Variants in GATA3 observed in about 807,000 individuals in gnomAD.
The protein encoded by GATA3 is trans-acting T-cell-specific transcription factor GATA-3.
A neutral mutation model predicts 36.0 loss-of-function variants in GATA3; 6 were observed. The observed-to-expected ratio is 0.17, with a 90% CI of 0.09 to 0.33. The LOEUF (loss-of-function observed/expected upper bound fraction) is 0.33, where lower values mean the gene tolerates loss of function less well. Among genes scored for constraint, GATA3 ranks in the 10% least tolerant of loss-of-function variants. The pLI, the probability that GATA3 is intolerant of heterozygous loss-of-function variation, is 1.00. For synonymous variants in GATA3, 326 were observed against 273.0 expected, an observed-to-expected ratio of 1.19 and a Z score of -1.92; for missense variants, 514 against 610.1, an observed-to-expected ratio of 0.84 and a Z score of 1.66.
upstream of GATA3, chr10:8,051,221 G>A (rs1297169772): frequency 2.3e-6 from 1 of 428,654 alleles, no homozygotes; most frequent in Non-Finnish European, 4.9e-6. Context: ...CCCCTACCGA[G>A]TGGAGAAAGT....
Position 8,055,578 on chromosome 10 carries a change from G to T in GATA3, c.-78G>T, listed in dbSNP as rs1272034262. The T allele has an allele frequency of 3.4e-5, 51 of 1,493,662 alleles. No homozygotes were observed. Among genetic ancestry groups the T allele is most frequent in the Non-Finnish European group, 4.3e-5 (48 of 1,125,206 alleles). 92.5% of individuals were successfully genotyped at this position (1,493,662 alleles called of 1,614,324 possible). A position where few individuals can be genotyped will look rare whatever the true frequency, so the allele number is the denominator to read the frequency against. ...GACCCTCCGACGGCAGGAGCCCCCCGACCTCCCAGGCGGACCGCCCTCCCT... is the reference window on the plus strand; with the variant it reads ...GACCCTCCGACGGCAGGAGCCCCCCTACCTCCCAGGCGGACCGCCCTCCCT... On this transcript the variant is annotated 5_prime_UTR_variant, in exon 2 of 6. Coordinates refer to ENST00000379328, the MANE Select transcript of GATA3 (RefSeq NM_001002295.2). The surrounding 1 kb of genome is among the most constrained non-coding windows in gnomAD (Gnocchi z 5.4).
chr10:8,055,974 G>C lies in GATA3; in HGVS notation c.241+78G>C. On this transcript the variant is annotated intron_variant, in intron 2 of 5. Coordinates refer to ENST00000379328, the MANE Select transcript of GATA3 (RefSeq NM_001002295.2). The surrounding 1 kb of genome is among the most constrained non-coding windows in gnomAD (Gnocchi z 5.4). ...CTCGGGGAGGTCGGGAGGGACCTGA[G>C]GGCGGGGAGAGGTCAAGCGAAAGCC... The C allele has an allele frequency of 6.5e-7, 1 of 1,534,018 alleles. No individual in the cohort carries two copies. The highest frequency in any genetic ancestry group is 8.8e-7 in the Non-Finnish European group (1 of 1,133,396).
chr10:8,065,971 A>C (rs1340511886), intron 4 of GATA3, among the ~76,000 whole-genome samples: 1 of 149,550 alleles, frequency 6.7e-6, no homozygotes, highest in Admixed American at 6.6e-5. Context: ...GTAAAAAAAA[A>C]AAAAAAAAAA....
chr10:8,060,709 T>A (rs1832733317), intron 3 of GATA3, among the ~76,000 whole-genome samples: 2 of 152,132 alleles, frequency 1.3e-5, no homozygotes, highest in African/African-American at 4.8e-5. Context: ...TTGTGCACAC[T>A]TTCTGCCTTA....
Position 8,058,552 on chromosome 10 carries a change from G to T in GATA3, c.489G>T (p.Pro163=). The T allele has an allele frequency of 1.3e-6, 2 of 1,580,758 alleles. No homozygotes were observed. Among genetic ancestry groups the T allele is most frequent in the Non-Finnish European group, 8.6e-7 (1 of 1,160,992 alleles). The change falls in exon 3 of 6, where the codon CCG becomes CCT. Residue 163 remains proline, a synonymous_variant. Coordinates refer to ENST00000379328, the MANE Select transcript of GATA3 (RefSeq NM_001002295.2). ...CCACCCCGCCGAAGGACGTCTCCCC[G>T]GACCCATCGCTGTCCACCCCAGGCT... ...FPPTPPKDVS[P]DPSLSTPGSA... is the part of the protein sequence containing the mutation.
intron 1 of GATA3, chr10:8,045,555 T>G (rs1165026895): frequency 6.6e-6 from 1 of 152,224 alleles, no homozygotes; most frequent in African/African-American, 2.4e-5. Flanking sequence ...AACTCCGCAC[T>G]CCCTCTGCCC....
upstream of GATA3, among the ~76,000 whole-genome samples, chr10:8,048,723 C>T (rs1832422342): frequency 6.6e-6 from 1 of 152,220 alleles, no homozygotes; most frequent in South Asian, 2.1e-4. Flanking sequence ...TCCTTCTCTC[C>T]CACCCAACCC....
At chr10:8,067,110 A>G (rs1371708795) in intron 4 of GATA3, among the ~76,000 whole-genome samples, 2 of 152,204 alleles carry the variant, frequency 1.3e-5, no homozygotes, top group Non-Finnish European at 2.9e-5. Context: ...CACTGGTTTT[A>G]CGTAGTACTT....
In GATA3 at chr10:8,045,683, T is replaced by C. The variant is rs1588363845; in HGVS notation, c.-370+168T>C. 2.0e-5 allele frequency among the ~76,000 whole-genome samples: 3 copies of C among 152,206 alleles called. No individual in the cohort carries two copies. In the East Asian group the frequency reaches 5.8e-4, roughly 30 times the overall value. On this transcript the variant is annotated intron_variant, in intron 1 of 1. Coordinates refer to the GATA3 transcript ENST00000643001. ...TTTTTGGTCACTGGAAATCTCTGGG[T>C]TTCTGTGGTGACCTTGGGCGGGTAC...
At chr10:8,060,876 C>T (rs190407865) in intron 3 of GATA3, among the ~76,000 whole-genome samples, 2 of 152,216 alleles carry the variant, frequency 1.3e-5, no homozygotes, top group East Asian at 3.9e-4. Flanking sequence ...TTCAATTTGG[C>T]CTTTTTACTT....
intron 1 of GATA3, among the ~76,000 whole-genome samples, chr10:8,046,053 G>C (rs1361203442): frequency 6.6e-6 from 1 of 152,196 alleles, no homozygotes; most frequent in Non-Finnish European, 1.5e-5. Flanking sequence ...GGGAAGCTAG[G>C]GGTCCGGAGG....
intron 1 of GATA3, among the ~76,000 whole-genome samples, chr10:8,048,076 A>T (rs977839028): frequency 6.6e-6 from 1 of 152,142 alleles, no homozygotes; most frequent in African/African-American, 2.4e-5. Context: ...GTCCCGCTAC[A>T]ATCACACTCC....
At chr10:8,061,908 G>A (rs1007287532) in intron 3 of GATA3, among the ~76,000 whole-genome samples, 8 of 152,242 alleles carry the variant, frequency 5.3e-5, no homozygotes, top group Non-Finnish European at 1.2e-4. Context: ...CAGTGCCCAA[G>A]TAGGGGAGGA....
At chr10:8,058,158 C>A in intron 2 of GATA3, 147 bp from the exon 3 acceptor site, 1 of 801,638 alleles carries the variant, frequency 1.2e-6, no homozygotes, top group East Asian at 2.7e-5. Context: ...CTCCGGGGAC[C>A]GCCAGGATGA....
rs562705113 is a variant in GATA3, at chr10:8,055,200, C to T, written c.-369-87C>T. The T allele has an allele frequency of 5.0e-4, 133 of 265,080 alleles. 1 individual carries two copies. Among genetic ancestry groups the T allele is most frequent in the Admixed American group, 8.9e-4 (17 of 19,132 alleles). 16.4% of individuals were successfully genotyped at this position (265,080 alleles called of 1,614,324 possible). On this transcript the variant is annotated intron_variant, in intron 1 of 5. Coordinates refer to ENST00000379328, the MANE Select transcript of GATA3 (RefSeq NM_001002295.2). This position sits in a 1 kb window ranked among gnomAD's most constrained non-coding sequence, Gnocchi z 5.4. ...CGCGCTCCCGTGCGGGTCTCGGGTG[C>T]GCTGGGCGGGCGGGCGGCGCGAGGG...
At chr10:8,072,834 T>C (rs1398550859) in intron 5 of GATA3, among the ~76,000 whole-genome samples, 2 of 152,142 alleles carry the variant, frequency 1.3e-5, no homozygotes, top group African/African-American at 2.4e-5. Flanking sequence ...GCAGCTGCTG[T>C]TGGAATGACA....
At chr10:8,069,621 G>A (rs1832899784) in intron 5 of GATA3, 23 bp downstream of exon 5, 2 of 1,613,954 alleles carry the variant, frequency 1.2e-6, no homozygotes, top group Non-Finnish European at 8.5e-7. Flanking sequence ...GGATCAGCAA[G>A]AACAGGGCTC....
At chr10:8,069,417 G>C (rs2131511189) in intron 4 of GATA3, 56 bp from the exon 5 acceptor site, 2 of 1,485,256 alleles carry the variant, frequency 1.3e-6, no homozygotes, top group South Asian at 2.3e-5. Flanking sequence ...TCATAGTGAT[G>C]ACAACACATT....
chr10:8,061,555 C>T (rs2131496320), intron 3 of GATA3, among the ~76,000 whole-genome samples: 1 of 152,230 alleles, frequency 6.6e-6, no homozygotes, highest in East Asian at 1.9e-4. Flanking sequence ...AGAGTCAGGG[C>T]CTCCATTAGG....
Sources: allele counts gnomAD v4.1 joint callset (sites outside exome capture counted in the v4.1 genomes callset), GRCh38; gene constraint gnomAD v4.1.1; non-coding constraint Gnocchi (gnomAD v3.1); transcripts MANE v1.5; gene names NCBI Gene and HGNC (gene_info 2026-07-23, HGNC 2026-07-21).